Variants in KIAA1671 observed in about 807,000 individuals in gnomAD.
The protein encoded by KIAA1671 is KIAA1671.
In KIAA1671, 52 loss-of-function variants were observed where a neutral mutation model predicts 131.2. The ratio of observed to expected loss-of-function variants is 0.40; its 90% CI spans 0.32 to 0.50. KIAA1671 has a LOEUF of 0.50. Ranked by LOEUF, KIAA1671 falls within the 20% of genes least tolerant of loss-of-function variation. The pLI, the probability that KIAA1671 is intolerant of heterozygous loss-of-function variation, is 0.73. For synonymous variants in KIAA1671, 1,003 were observed against 961.6 expected (o/e 1.04, Z -0.80); for missense variants, 2,360 against 2,364.2 (o/e 1.00, Z 0.04).
At chr22:25,101,580 T>G (rs1041616194) in intron 6 of KIAA1671, among the ~76,000 whole-genome samples, 23 of 152,224 alleles carry the variant, frequency 1.5e-4, no homozygotes, top group African/African-American at 5.5e-4. Flanking sequence ...ATGTGATAAA[T>G]TAACACAAGG....
chr22:25,112,222 G>A, intron 6 of KIAA1671: 2 of 398,956 alleles, frequency 5.0e-6, no homozygotes, highest in Non-Finnish European at 8.8e-6. Flanking sequence ...AGACCCACAT[G>A]ACCCAGTGGA....
At chr22:25,131,041 G>T (rs1172459828) in intron 6 of KIAA1671, among the ~76,000 whole-genome samples, 1 of 152,194 alleles carries the variant, frequency 6.6e-6, no homozygotes, top group South Asian at 2.1e-4. Flanking sequence ...ATGTGGTGCT[G>T]GTCACCACCC....
intron 4 of KIAA1671, among the ~76,000 whole-genome samples, chr22:25,035,368 C>G (rs2145798119): frequency 6.6e-6 from 1 of 152,202 alleles, no homozygotes; most frequent in South Asian, 2.1e-4. Flanking sequence ...TTTCTTTTCT[C>G]TTGGGTAAAC....
At chr22:25,024,737 G>A (rs1418045182) in intron 1 of KIAA1671, 9 of 152,168 alleles carry the variant, frequency 5.9e-5, no homozygotes, top group African/African-American at 2.2e-4. Flanking sequence ...CAGTAATCAT[G>A]TATCTGGTGC....
At chr22:25,119,534 G>A (rs929070428) in intron 6 of KIAA1671, among the ~76,000 whole-genome samples, 3 of 152,228 alleles carry the variant, frequency 2.0e-5, no homozygotes, top group Non-Finnish European at 4.4e-5. Flanking sequence ...TTGCCCTCAT[G>A]GGACTCATAG....
chr22:25,040,370 G>T lies in KIAA1671; in HGVS notation c.3240G>T (p.Leu1080Phe), dbSNP rs1926843927. ...TLVSLGHEEA[L>F]EMAGSKNWMK... The stretch of plus-strand genomic sequence containing the variant: ...TTTCTCTTGGTCATGAAGAGGCATT[G>T]GAGATGGCAGGCAGTAAAAACTGGA... Residue 1080 changes from leucine (L) to phenylalanine (F), a missense_variant, in exon 5 of 13, where the codon TTG becomes TTT. This residue lies in a region of KIAA1671 where 1,161 missense variants were observed against 1,204.7 expected (regional missense o/e 0.96). Transcript: ENST00000358431. The T allele has an allele frequency of 6.4e-7, 1 of 1,551,872 alleles. No homozygotes were observed. The highest frequency in any genetic ancestry group is 8.7e-7 in the Non-Finnish European group (1 of 1,147,024).
Position 25,041,349 on chromosome 22 carries a change from A to G in KIAA1671, c.4219A>G (p.Arg1407Gly). The change falls in exon 5 of 13, where the codon AGG becomes GGG. Residue 1407 changes from arginine (R) to glycine (G), a missense_variant. Transcript: ENST00000358431. ...DCGRVPLDIK[R>G]AYSEKGPPAN... ...TGGACGGGTGCCGCTGGATATCAAGAGGGCCTACTCAGAGAAGGGGCCCCC... is the reference window on the plus strand; with the variant it reads ...TGGACGGGTGCCGCTGGATATCAAGGGGGCCTACTCAGAGAAGGGGCCCCC... The G allele has an allele frequency of 6.4e-7, 1 of 1,551,716 alleles. No homozygotes were observed. The highest frequency in any genetic ancestry group is 8.7e-7 in the Non-Finnish European group (1 of 1,147,000).
intron 6 of KIAA1671, among the ~76,000 whole-genome samples, chr22:25,086,562 C>T (rs544517498): frequency 6.6e-6 from 1 of 152,290 alleles, no homozygotes; most frequent in African/African-American, 2.4e-5. Flanking sequence ...ACTGCCCTGA[C>T]CTTTGTAGGA....
intron 6 of KIAA1671, among the ~76,000 whole-genome samples, chr22:25,104,328 A>G (rs538331823): frequency 6.6e-6 from 1 of 152,274 alleles, no homozygotes; most frequent in South Asian, 2.1e-4. Context: ...TCTAGGATGC[A>G]CAGTCCTGGA....
intron 7 of KIAA1671, among the ~76,000 whole-genome samples, chr22:25,173,060 T>A (rs957818022): frequency 2.6e-5 from 4 of 152,166 alleles, no homozygotes; most frequent in African/African-American, 9.7e-5. Flanking sequence ...TCAGGAAACT[T>A]ACAATCATGG....
intron 1 of KIAA1671, among the ~76,000 whole-genome samples, chr22:25,006,758 C>T (rs1000352089): frequency 1.3e-5 from 2 of 152,134 alleles, no homozygotes; most frequent in Non-Finnish European, 2.9e-5. Flanking sequence ...TGCTTCATTC[C>T]TTGGGTTTCG....
chr22:25,030,446 A>G (rs1926222582), intron 3 of KIAA1671, among the ~76,000 whole-genome samples: 1 of 152,038 alleles, frequency 6.6e-6, no homozygotes, highest in South Asian at 2.1e-4. Flanking sequence ...GAGGCAGGAG[A>G]ATCGCTTGAA....
chr22:25,161,246 C>T (rs1933434564), intron 6 of KIAA1671, among the ~76,000 whole-genome samples: 1 of 152,246 alleles, frequency 6.6e-6, no homozygotes, highest in Non-Finnish European at 1.5e-5. Flanking sequence ...TTGGAGACTG[C>T]ATGTGCTGGG....
At chr22:25,018,776 A>G (rs1198647808) in intron 1 of KIAA1671, among the ~76,000 whole-genome samples, 1 of 152,196 alleles carries the variant, frequency 6.6e-6, no homozygotes, top group East Asian at 1.9e-4. Context: ...CCATTGTATA[A>G]GGATAGATTA....
rs1311235339 is a variant in KIAA1671 at position 25,027,181 on chromosome 22, A to G, written c.-55-764A>G. On this transcript the variant is annotated intron_variant, in intron 2 of 12. Coordinates refer to ENST00000358431, the MANE Select transcript of KIAA1671 (RefSeq NM_001145206.2). ...AGAACCACAAAGCAAACAAATAATGAAAGCAGGTTGAGTGAGAAAAATGAG... is the reference window on the plus strand; with the variant it reads ...AGAACCACAAAGCAAACAAATAATGGAAGCAGGTTGAGTGAGAAAAATGAG... Among the ~76,000 whole-genome samples, 6 of 152,206 alleles carry G rather than the reference A, an allele frequency of 3.9e-5. No individual in the cohort carries two copies. The East Asian group carries it at 1.2e-3, about 29-fold the overall frequency.
chr22:25,123,825 G>A (rs1233869585), intron 6 of KIAA1671, among the ~76,000 whole-genome samples: 1 of 152,200 alleles, frequency 6.6e-6, no homozygotes, highest in East Asian at 1.9e-4. Flanking sequence ...GATAATAAAT[G>A]TTTGTTGTTT....
intron 6 of KIAA1671, among the ~76,000 whole-genome samples, chr22:25,089,830 G>A (rs985349070): frequency 4.6e-5 from 7 of 152,092 alleles, no homozygotes; most frequent in Non-Finnish European, 8.8e-5. Flanking sequence ...ACACCTTTGC[G>A]CCCTTGTGTG....
At chr22:25,185,355 A>T (rs958227873) in intron 11 of KIAA1671, 1 of 477,760 alleles carries the variant, frequency 2.1e-6, no homozygotes, top group African/African-American at 2.0e-5. Context: ...TTCCCCGCCC[A>T]CTGCCACCTG....
chr22:25,094,787 C>T lies in KIAA1671; in HGVS notation c.4530+45423C>T, dbSNP rs547411327. On this transcript the variant is annotated intron_variant, in intron 6 of 12. Coordinates refer to ENST00000358431, the MANE Select transcript of KIAA1671 (RefSeq NM_001145206.2). ...CAGGAGGTACACATCCGCATTCTCA[C>T]GACTTTGTGTTTTCATGAGCACAGC... Among the ~76,000 whole-genome samples the T allele has an allele frequency of 9.5e-4, 145 of 152,294 alleles. 1 individual carries two copies. Among genetic ancestry groups the T allele is most frequent in the African/African-American group, 3.4e-3 (141 of 41,550 alleles).
Sources: gnomAD v4.1 joint callset for allele counts (sites outside exome capture counted in the v4.1 genomes callset) on GRCh38, gnomAD v4.1.1 for gene constraint, gnomAD v4.1.1 regional missense constraint, MANE v1.5 for transcripts, NCBI Gene and HGNC (gene_info 2026-07-23, HGNC 2026-07-21) for gene names.